The following BICC1 variants were observed in gnomAD, a reference collection of about 807,000 sequenced individuals.
BICC1 encodes the protein protein bicaudal C homolog 1.
BICC1 carries 43 observed loss-of-function variants against 111.0 expected under a neutral mutation model. That is an observed-to-expected ratio of 0.39 (90% CI 0.30 to 0.50). BICC1 has a LOEUF of 0.50. Ranked by LOEUF, BICC1 falls within the 20% of genes least tolerant of loss-of-function variation. The pLI, the probability that BICC1 is intolerant of heterozygous loss-of-function variation, is 0.88. For missense variants in BICC1, 1,091 were observed against 1,203.2 expected, an observed-to-expected ratio of 0.91 and a Z score of 1.38; for synonymous variants, 467 against 434.4, an observed-to-expected ratio of 1.07 and a Z score of -0.93.
chr10:58,640,257 C>T (rs569391256), intron 2 of BICC1, among the ~76,000 whole-genome samples: 6 of 152,044 alleles, frequency 3.9e-5, no homozygotes, highest in South Asian at 4.1e-4. Context: ...CAACATTCCT[C>T]GAGCATTTTA....
chr10:58,817,205 C>T (rs1844121147), intron 18 of BICC1, among the ~76,000 whole-genome samples: 1 of 152,040 alleles, frequency 6.6e-6, no homozygotes, highest in South Asian at 2.1e-4. Context: ...TTATTTTGTC[C>T]CAGGGATCCT....
At chr10:58,562,308 A>G (rs569642174) in intron 1 of BICC1, among the ~76,000 whole-genome samples, 2 of 150,006 alleles carry the variant, frequency 1.3e-5, no homozygotes. Context: ...TTTTCTTTTT[A>G]TTTTGTTTGA....
At chr10:58,687,393 A>G (rs1465804973) in intron 2 of BICC1, among the ~76,000 whole-genome samples, 2 of 152,216 alleles carry the variant, frequency 1.3e-5, no homozygotes, top group African/African-American at 2.4e-5. Flanking sequence ...ACTGTCTTCA[A>G]AGCTGTCAGA....
intron 2 of BICC1, among the ~76,000 whole-genome samples, chr10:58,624,216 A>G (rs1845915651): frequency 6.6e-6 from 1 of 152,106 alleles, no homozygotes; most frequent in Non-Finnish European, 1.5e-5. Context: ...CCAAATAAAG[A>G]CACCAATTAT....
At chr10:58,788,643 A>C (rs537252238) in intron 6 of BICC1, among the ~76,000 whole-genome samples, 1 of 152,282 alleles carries the variant, frequency 6.6e-6, no homozygotes, top group Non-Finnish European at 1.5e-5. Context: ...AAATTTTTTC[A>C]CTGAAAATGT....
intron 2 of BICC1, among the ~76,000 whole-genome samples, chr10:58,698,432 G>A (rs1006397106): frequency 6.6e-6 from 1 of 152,036 alleles, no homozygotes; most frequent in African/African-American, 2.4e-5. Flanking sequence ...TCTCCAGTGA[G>A]CCAACTTTTT....
chr10:58,678,920 C>G (rs1839428914), intron 2 of BICC1, among the ~76,000 whole-genome samples: 1 of 152,208 alleles, frequency 6.6e-6, no homozygotes, highest in African/African-American at 2.4e-5. Context: ...ACTGAACAAC[C>G]TGTTCCTGAA....
At chr10:58,690,351 G>C (rs1025915433) in intron 2 of BICC1, among the ~76,000 whole-genome samples, 4 of 152,220 alleles carry the variant, frequency 2.6e-5, no homozygotes, top group African/African-American at 9.6e-5. Flanking sequence ...AATTCTTCCT[G>C]TTTTTCTCCC....
intron 1 of BICC1, among the ~76,000 whole-genome samples, chr10:58,517,192 G>C (rs1842265047): frequency 6.6e-6 from 1 of 152,128 alleles, no homozygotes; most frequent in African/African-American, 2.4e-5. Context: ...AGTGGGACCT[G>C]TGGTGGGGAG....
intron 2 of BICC1, among the ~76,000 whole-genome samples, chr10:58,628,128 G>A (rs4948526): frequency 0.98 from 149,349 of 152,280 alleles, 73,317 homozygotes; most frequent in Middle Eastern, 1. Context: ...TGGTGAGATT[G>A]TGATTGGTTT....
At chr10:58,638,841 TTTC>T (rs150858844) in intron 2 of BICC1, among the ~76,000 whole-genome samples, 147,622 of 151,280 alleles carry the variant, frequency 0.98, 72,129 homozygotes, top group South Asian at 1. Context: ...GAAATTCTTT[TTTC>T]TTTTCTTTTC....
intron 3 of BICC1, among the ~76,000 whole-genome samples, chr10:58,765,814 A>G (rs1281364968): frequency 1.3e-5 from 2 of 152,198 alleles, no homozygotes; most frequent in East Asian, 3.8e-4. Flanking sequence ...AGCTGATGCC[A>G]ATTTCATTTT....
At position 58,762,165 on chromosome 10, in the gene BICC1, T is replaced by C. The variant is rs61875967; in HGVS notation, c.308-22836T>C. 6.5e-3 allele frequency among the ~76,000 whole-genome samples: 987 copies of C among 152,226 alleles called. 12 individuals carry two copies. The highest frequency in any genetic ancestry group is 0.011 in the Non-Finnish European group (764 of 68,010). ...ATGGGCCTTAATGCAAGTTTGTGTG[T>C]CCAGGAGACTCACAAATCTGATCAA... On this transcript the variant is annotated intron_variant, in intron 3 of 20. Coordinates refer to ENST00000373886, the MANE Select transcript of BICC1 (RefSeq NM_001080512.3).
chr10:58,691,815 C>T (rs1242251821), intron 2 of BICC1, among the ~76,000 whole-genome samples: 1 of 152,096 alleles, frequency 6.6e-6, no homozygotes, highest in Non-Finnish European at 1.5e-5. Context: ...TTTTTTTCTC[C>T]ATTATCATGC....
At chr10:58,736,320 G>A (rs1841465822) in intron 3 of BICC1, among the ~76,000 whole-genome samples, 3 of 152,182 alleles carry the variant, frequency 2.0e-5, no homozygotes, top group Admixed American at 2.0e-4. Context: ...AATAGCTGAT[G>A]ACTCACTAAA....
rs151294235 is a variant in BICC1 at position 58,533,930 on chromosome 10, A to G, written c.190+20597A>G. Reference sequence around the variant, plus strand: ...AATAGTAAGTTCTTACCTATCAGTAATTACTTTAAATGTAAATTGATTAAA... The same window carrying G: ...AATAGTAAGTTCTTACCTATCAGTAGTTACTTTAAATGTAAATTGATTAAA... On this transcript the variant is annotated intron_variant, in intron 1 of 20. Transcript: ENST00000373886. Among the ~76,000 whole-genome samples the G allele has an allele frequency of 3.9e-5, 6 of 151,976 alleles. No individual in the cohort carries two copies. In the East Asian group the frequency reaches 1.2e-3, roughly 30 times the overall value.
Position 58,513,513 on chromosome 10 carries a change from C to T in BICC1, c.190+180C>T, listed in dbSNP as rs561519989. ...CTGGAGACTTCGCGGGACTCCCCAC[C>T]CTTCCACGCCTCTCAGATTTCCAGG... On this transcript the variant is annotated intron_variant, in intron 1 of 20. Transcript: ENST00000373886. Among the ~76,000 whole-genome samples, 8 of 152,356 alleles carry T rather than the reference C, an allele frequency of 5.3e-5. No individual in the cohort carries two copies. In the East Asian group the frequency reaches 1.5e-3, roughly 29 times the overall value.
At chr10:58,585,830 G>A (rs1470114656) in intron 1 of BICC1, among the ~76,000 whole-genome samples, 2 of 152,156 alleles carry the variant, frequency 1.3e-5, no homozygotes, top group East Asian at 1.9e-4. Context: ...TTCTCCCAAT[G>A]TGTGACAGAT....
At chr10:58,666,556 G>C (rs925643661) in intron 2 of BICC1, among the ~76,000 whole-genome samples, 1 of 152,172 alleles carries the variant, frequency 6.6e-6, no homozygotes, top group Non-Finnish European at 1.5e-5. Flanking sequence ...CAAGCACACA[G>C]AAGGTGGGAA....
Sources: gnomAD v4.1 joint callset for allele counts (sites outside exome capture counted in the v4.1 genomes callset) on GRCh38, gnomAD v4.1.1 for gene constraint, MANE v1.5 for transcripts, NCBI Gene and HGNC (gene_info 2026-07-23, HGNC 2026-07-21) for gene names.